Variants in CUBN observed in about 807,000 individuals in gnomAD.
CUBN encodes the protein 460 kDa receptor.
CUBN carries 282 observed loss-of-function variants against 405.3 expected under a neutral mutation model. The observed-to-expected ratio is 0.70, with a 90% CI of 0.63 to 0.77. The LOEUF (loss-of-function observed/expected upper bound fraction) is 0.77. Ranked by LOEUF, CUBN falls within the 30% of genes least tolerant of loss-of-function variation. The pLI, the probability that CUBN is intolerant of heterozygous loss-of-function variation, is 0.00. For missense variants in CUBN, 4,514 were observed against 4,475.2 expected (o/e 1.01, Z -0.25); for synonymous variants, 1,684 against 1,617.0 (o/e 1.04, Z -0.99).
chr10:16,825,842 C>T (rs959789965), intron 66 of CUBN, among the ~76,000 whole-genome samples: 1 of 152,160 alleles, frequency 6.6e-6, no homozygotes, highest in African/African-American at 2.4e-5. Flanking sequence ...CCTGCCTCAG[C>T]CCTACCCCAA....
intron 27 of CUBN, among the ~76,000 whole-genome samples, chr10:17,024,632 T>C (rs1200983451): frequency 6.6e-6 from 1 of 152,140 alleles, no homozygotes; most frequent in African/African-American, 2.4e-5. Context: ...AGCCTCCTGA[T>C]GGCTGAAACT....
At chr10:16,875,396 C>T (rs929488881) in intron 57 of CUBN, among the ~76,000 whole-genome samples, 1 of 152,138 alleles carries the variant, frequency 6.6e-6, no homozygotes, top group Non-Finnish European at 1.5e-5. Flanking sequence ...ATGGGGTTAA[C>T]GCATTTTGAA....
At chr10:16,863,566 T>A (rs12248229) in intron 59 of CUBN, among the ~76,000 whole-genome samples, 2,238 of 151,478 alleles carry the variant, frequency 0.015, 57 homozygotes, top group African/African-American at 0.052. Flanking sequence ...CATATACATA[T>A]ATTTTTTATG....
At chr10:16,929,592 A>G (rs945433743) in intron 40 of CUBN, among the ~76,000 whole-genome samples, 5 of 152,316 alleles carry the variant, frequency 3.3e-5, no homozygotes, top group African/African-American at 1.2e-4. Context: ...TTACAAATGT[A>G]ATGGCAGAGT....
intron 28 of CUBN, among the ~76,000 whole-genome samples, chr10:17,007,674 A>G (rs1448343986): frequency 6.6e-6 from 1 of 152,144 alleles, no homozygotes. Flanking sequence ...GATTCTGAGG[A>G]AAAGAGGCTA....
chr10:16,990,458 T>A lies in CUBN; in HGVS notation c.4226A>T (p.Asn1409Ile), dbSNP rs767022448. The stretch of plus-strand genomic sequence containing the variant: ...ACACTCCTTGTTTGGTGGATACCTG[T>A]TGGGGAACCCGGGGCTGCTGAAGGA... ...TGSFSSPGFPNRYPPNKECIW... is the reference protein window; with the variant it reads ...TGSFSSPGFPIRYPPNKECIW... Residue 1409 changes from asparagine (N) to isoleucine (I), a missense_variant, in exon 29 of 67, where the codon AAC (asparagine) becomes ATC (isoleucine). Physicochemically the swap from Asn to Ile is moderately radical, Grantham distance 149. Around this residue, in one of 5 missense-constraint regions of CUBN, gnomAD observed 1,613 missense variants for 1,542.8 expected, o/e 1.05. Coordinates refer to ENST00000377833, the MANE Select transcript of CUBN (RefSeq NM_001081.4). 2.5e-6 allele frequency: 4 copies of A among 1,614,206 alleles called. No individual in the cohort carries two copies.
chr10:17,098,752 T>A (rs1836431600), intron 14 of CUBN, among the ~76,000 whole-genome samples: 1 of 152,174 alleles, frequency 6.6e-6, no homozygotes, highest in Admixed American at 6.5e-5. Context: ...ATCAAATATT[T>A]AAAAAATACA....
chr10:16,970,862 T>TA (rs1832908000), intron 31 of CUBN, among the ~76,000 whole-genome samples: 1 of 152,144 alleles, frequency 6.6e-6, no homozygotes, highest in Admixed American at 6.5e-5. Context: ...ATGTCTTTTT[T>TA]TAAAAAATTA....
intron 28 of CUBN, among the ~76,000 whole-genome samples, chr10:17,002,691 A>T (rs1328071718): frequency 6.6e-6 from 1 of 152,204 alleles, no homozygotes; most frequent in Non-Finnish European, 1.5e-5. Flanking sequence ...AAAGGTCTGC[A>T]TATGCACAGC....
chr10:17,068,578 G>T, intron 20 of CUBN, 27 bp downstream of exon 20: 1 of 1,267,312 alleles, frequency 7.9e-7, no homozygotes. Flanking sequence ...CCAAGAGGAG[G>T]AAAAAAAAAA....
At chr10:16,931,741 G>A (rs899550125) in intron 40 of CUBN, among the ~76,000 whole-genome samples, 1 of 152,178 alleles carries the variant, frequency 6.6e-6, no homozygotes, top group Non-Finnish European at 1.5e-5. Context: ...GAGCCACTTT[G>A]TGACCTGTGC....
chr10:16,982,075 A>G (rs927387940), intron 31 of CUBN, among the ~76,000 whole-genome samples: 2 of 152,242 alleles, frequency 1.3e-5, no homozygotes, highest in African/African-American at 4.8e-5. Context: ...ATGATATATC[A>G]GGGGCTTTTT....
chr10:17,122,819 C>T lies in CUBN; in HGVS notation c.569G>A (p.Cys190Tyr). The T allele has an allele frequency of 6.2e-7, 1 of 1,600,208 alleles. No homozygotes were observed. The highest frequency in any genetic ancestry group is 8.6e-7 in the Non-Finnish European group (1 of 1,169,474). ...TPLSCQNGGT[C>Y]VNTMGSYSCH... Reference sequence around the variant, plus strand: ...CCTGTAACTTCCCATTGTATTAACACATGTGCCTCCATTCTGGCAGCTCAA... The same window carrying T: ...CCTGTAACTTCCCATTGTATTAACATATGTGCCTCCATTCTGGCAGCTCAA... Residue 190 changes from cysteine to tyrosine, a missense_variant, in exon 6 of 67, where the codon TGT becomes TAT. Physicochemically the swap from Cys to Tyr is radical, Grantham distance 194. Coordinates refer to ENST00000377833, the MANE Select transcript of CUBN (RefSeq NM_001081.4).
chr10:16,998,099 A>G (rs1381511175), intron 28 of CUBN, among the ~76,000 whole-genome samples: 4 of 152,154 alleles, frequency 2.6e-5, no homozygotes, highest in Non-Finnish European at 5.9e-5. Context: ...AGTGAAAAGG[A>G]AGAAGAGGAC....
chr10:16,911,326 A>G (rs1841725313), intron 48 of CUBN, among the ~76,000 whole-genome samples: 1 of 152,236 alleles, frequency 6.6e-6, no homozygotes, highest in Non-Finnish European at 1.5e-5. Flanking sequence ...CAATTTAAGC[A>G]AAAGCGTGAC....
intron 27 of CUBN, among the ~76,000 whole-genome samples, chr10:17,026,355 G>T (rs757137715): frequency 5.3e-5 from 8 of 152,208 alleles, no homozygotes; most frequent in Admixed American, 5.2e-4. Context: ...CACAGAGGCT[G>T]GTTGTGGTGG....
At chr10:16,853,626 T>A (rs112765743) in intron 59 of CUBN, among the ~76,000 whole-genome samples, 6 of 152,360 alleles carry the variant, frequency 3.9e-5, no homozygotes, top group African/African-American at 1.4e-4. Context: ...AAAGTTGAAA[T>A]GCTTCCAAAG....
At chr10:16,951,534 C>T (rs528773999) in intron 33 of CUBN, among the ~76,000 whole-genome samples, 64 of 152,310 alleles carry the variant, frequency 4.2e-4, no homozygotes, top group African/African-American at 1.3e-3. Context: ...GGCAGGGCTC[C>T]TCTGAAACAG....
chr10:17,024,272 G>A (rs967425278), intron 27 of CUBN, among the ~76,000 whole-genome samples: 6 of 152,086 alleles, frequency 3.9e-5, no homozygotes, highest in Non-Finnish European at 7.4e-5. Flanking sequence ...GGGTACTTAG[G>A]AGTCACTGAA....
Sources: gnomAD v4.1 joint callset for allele counts (sites outside exome capture counted in the v4.1 genomes callset) on GRCh38, gnomAD v4.1.1 for gene constraint, gnomAD v4.1.1 regional missense constraint, MANE v1.5 for transcripts, NCBI Gene and HGNC (gene_info 2026-07-23, HGNC 2026-07-21) for gene names.